NTRK2: variants seen among roughly 807,000 people sequenced by gnomAD.
NTRK2 encodes the protein neurotrophic receptor tyrosine kinase 2, also known as BDNF/NT-3 growth factors receptor.
Under a neutral mutation model 94.5 loss-of-function variants are expected in NTRK2, and 13 were observed. The ratio of observed to expected loss-of-function variants is 0.14; its 90% CI spans 0.09 to 0.22. The LOEUF is 0.22. Among genes scored for constraint, NTRK2 ranks in the 10% least tolerant of loss-of-function variants. The pLI is 1.00. For missense variants in NTRK2, 639 were observed against 1,071.2 expected, an observed-to-expected ratio of 0.60 and a Z score of 5.63; for synonymous variants, 372 against 407.4, an observed-to-expected ratio of 0.91 and a Z score of 1.05.
chr9:84,711,940 A>C (rs1453476356), intron 6 of NTRK2, among the ~76,000 whole-genome samples: 1 of 152,168 alleles, frequency 6.6e-6, no homozygotes, highest in African/African-American at 2.4e-5. Flanking sequence ...GCTAACACTT[A>C]AAAAATAAAA....
chr9:84,811,378 A>T, intron 12 of NTRK2: 1 of 1,066,266 alleles, frequency 9.4e-7, no homozygotes, highest in Non-Finnish European at 1.1e-6. Context: ...GGGGCTATAG[A>T]TTTAAGTTAG....
intron 12 of NTRK2, chr9:84,810,676 G>T: frequency 6.2e-7 from 1 of 1,602,082 alleles, no homozygotes; most frequent in Non-Finnish European, 8.5e-7. Context: ...GGCTTATCCC[G>T]GGAAGTGCTG....
rs1289402915 is a variant in NTRK2, at chr9:85,023,897, G to A, written c.*2460G>A. ...AGAATAAAGTAGGTAATAATTTAAG[G>A]GATCAAATTCAAGGAGGAATGTGCA... On this transcript the variant is annotated 3_prime_UTR_variant, in exon 19 of 19. Coordinates refer to ENST00000277120, the MANE Select transcript of NTRK2 (RefSeq NM_006180.6). 1 of 229,376 alleles carries A rather than the reference G, an allele frequency of 4.4e-6. No homozygotes were observed. The highest frequency in any genetic ancestry group is 6.2e-5 in the East Asian group (1 of 16,030). 14.2% of individuals were successfully genotyped at this position (229,376 alleles called of 1,614,324 possible).
intron 12 of NTRK2, among the ~76,000 whole-genome samples, chr9:84,776,144 G>C (rs2067012134): frequency 7.2e-6 from 1 of 139,328 alleles, no homozygotes; most frequent in African/African-American, 2.6e-5. Flanking sequence ...TGGATAGATA[G>C]GTAGGTAGAG....
At chr9:84,855,810 G>GC (rs1440858499) in intron 12 of NTRK2, among the ~76,000 whole-genome samples, 1 of 152,134 alleles carries the variant, frequency 6.6e-6, no homozygotes, top group Non-Finnish European at 1.5e-5. Context: ...CCTTGAAATT[G>GC]CCCTGTGCTA....
At chr9:84,721,348 T>G (rs1047139205) in intron 6 of NTRK2, among the ~76,000 whole-genome samples, 3 of 152,074 alleles carry the variant, frequency 2.0e-5, no homozygotes, top group Non-Finnish European at 4.4e-5. Context: ...GCTAATTTTT[T>G]GTATTTTTTA....
Position 84,934,121 on chromosome 9 carries a change from C to T in NTRK2, c.1634-41C>T, listed in dbSNP as rs760284337. 3 of 1,612,484 alleles carry T rather than the reference C, an allele frequency of 1.9e-6. No individual in the cohort carries two copies. In the African/African-American group the frequency reaches 4.0e-5, roughly 22 times the overall value. ...TCTTCACCCGCTGCCTTCACCTCCA[C>T]ATGCTTCAATTCCAATTTCCATTCT... is the stretch of plus-strand genomic sequence containing the variant. On this transcript the variant is annotated intron_variant, in intron 14 of 18. Transcript: ENST00000277120.
At chr9:84,841,474 C>A (rs971948149) in intron 12 of NTRK2, among the ~76,000 whole-genome samples, 2 of 152,192 alleles carry the variant, frequency 1.3e-5, no homozygotes, top group Non-Finnish European at 2.9e-5. Flanking sequence ...CTGGTGCAGT[C>A]TTCTCTAATC....
chr9:84,907,574 T>C (rs535172827), intron 14 of NTRK2, among the ~76,000 whole-genome samples: 4 of 152,322 alleles, frequency 2.6e-5, no homozygotes, highest in African/African-American at 9.6e-5. Flanking sequence ...TCTGCTTAAT[T>C]CTGTTCAGGG....
At chr9:84,899,246 T>A (rs555960611) in intron 14 of NTRK2, among the ~76,000 whole-genome samples, 1 of 152,220 alleles carries the variant, frequency 6.6e-6, no homozygotes, top group South Asian at 2.1e-4. Context: ...TCAGAAAATT[T>A]GAATGACTTT....
chr9:84,744,460 A>C (rs2063894571), intron 10 of NTRK2, among the ~76,000 whole-genome samples: 1 of 152,050 alleles, frequency 6.6e-6, no homozygotes, highest in Non-Finnish European at 1.5e-5. Flanking sequence ...AATAAGTTGC[A>C]CCTGTCCTGG....
chr9:84,925,452 A>G (rs923285590), intron 14 of NTRK2, among the ~76,000 whole-genome samples: 2 of 151,398 alleles, frequency 1.3e-5, no homozygotes, highest in East Asian at 1.9e-4. Flanking sequence ...GCTGCCTTCT[A>G]TTGTCTTCGT....
intron 6 of NTRK2, among the ~76,000 whole-genome samples, chr9:84,720,441 A>T (rs1331501010): frequency 6.6e-6 from 1 of 152,250 alleles, no homozygotes; most frequent in Non-Finnish European, 1.5e-5. Flanking sequence ...AAATTGGAAG[A>T]GCATTATTTG....
intron 9 of NTRK2, among the ~76,000 whole-genome samples, chr9:84,738,953 C>T (rs1389562487): frequency 1.3e-5 from 2 of 152,180 alleles, no homozygotes; most frequent in African/African-American, 4.8e-5. Context: ...TATGGCCTAA[C>T]AGTTTTGCTG....
At chr9:84,727,280 G>T (rs1242303136) in intron 8 of NTRK2, among the ~76,000 whole-genome samples, 1 of 152,174 alleles carries the variant, frequency 6.6e-6, no homozygotes, top group Non-Finnish European at 1.5e-5. Context: ...AGTTTTTTTG[G>T]TGATGAATCT....
chr9:84,766,878 C>T (rs1282724809), intron 12 of NTRK2, among the ~76,000 whole-genome samples: 1 of 152,106 alleles, frequency 6.6e-6, no homozygotes, highest in Non-Finnish European at 1.5e-5. Flanking sequence ...GTTCGACACA[C>T]ACATACACAC....
At chr9:84,960,295 G>A (rs2133039341) in intron 17 of NTRK2, among the ~76,000 whole-genome samples, 1 of 152,278 alleles carries the variant, frequency 6.6e-6, no homozygotes, top group East Asian at 1.9e-4. Context: ...GAACAGATAT[G>A]AATTTTAGCA....
intron 12 of NTRK2, among the ~76,000 whole-genome samples, chr9:84,804,606 T>C (rs548831689): frequency 6.6e-6 from 1 of 152,328 alleles, no homozygotes; most frequent in Admixed American, 6.5e-5. Flanking sequence ...TTCAGCACTC[T>C]GGCTTCATAT....
At chr9:84,811,729 T>G in intron 12 of NTRK2, 4 of 1,065,674 alleles carry the variant, frequency 3.8e-6, no homozygotes, top group Non-Finnish European at 4.5e-6. Flanking sequence ...AATATATGCT[T>G]TATAATGTCC....
Sources: allele counts gnomAD v4.1 joint callset (sites outside exome capture counted in the v4.1 genomes callset), GRCh38; gene constraint gnomAD v4.1.1; transcripts MANE v1.5; gene names NCBI Gene and HGNC (gene_info 2026-07-23, HGNC 2026-07-21).